The following FARP1 variants were observed in gnomAD, a reference collection of about 807,000 sequenced individuals.
The protein encoded by FARP1 is FERM, ARHGEF and pleckstrin domain-containing protein 1.
In FARP1, 52 loss-of-function variants were observed where a neutral mutation model predicts 128.8. The observed-to-expected ratio is 0.40, with a 90% CI of 0.32 to 0.51. The LOEUF is 0.51. Among genes scored for constraint, FARP1 ranks in the 20% least tolerant of loss-of-function variants. The pLI is 0.45. For synonymous variants in FARP1, 580 were observed against 551.8 expected, an observed-to-expected ratio of 1.05 and a Z score of -0.72; for missense variants, 1,333 against 1,367.9, an observed-to-expected ratio of 0.97 and a Z score of 0.40.
chr13:98,206,275 G>C (rs967658082), intron 1 of FARP1, among the ~76,000 whole-genome samples: 1 of 151,690 alleles, frequency 6.6e-6, no homozygotes, highest in African/African-American at 2.4e-5. Context: ...CAACCTTGGT[G>C]GTATGTCTAA....
chr13:98,372,910 G>T (rs561052062), intron 5 of FARP1, among the ~76,000 whole-genome samples: 1 of 152,192 alleles, frequency 6.6e-6, no homozygotes, highest in South Asian at 2.1e-4. Context: ...TCTAGCTCGC[G>T]TGAGACTGAT....
chr13:98,272,463 A>T (rs1343705178), intron 2 of FARP1, among the ~76,000 whole-genome samples: 1 of 152,238 alleles, frequency 6.6e-6, no homozygotes, highest in Non-Finnish European at 1.5e-5. Flanking sequence ...CGTTCGTGAA[A>T]TGCATACCCT....
At position 98,212,616 on chromosome 13, in the gene FARP1, T is replaced by TG. The variant is rs376535824; in HGVS notation, c.-23-597dup. 1.0e-3 allele frequency among the ~76,000 whole-genome samples: 56 copies of TG among 54,780 alleles called. 3 individuals carry two copies. The East Asian group carries it at 0.025, about 24-fold the overall frequency. 35.9% of individuals were successfully genotyped at this position (54,780 alleles called of 152,430 possible). On this transcript the variant is annotated intron_variant, in intron 1 of 26. Coordinates refer to ENST00000319562, the MANE Select transcript of FARP1 (RefSeq NM_005766.4). ...GGCTTCTTGGGAAAGGGGAAATAGT[T>TG]GGGGGGGTGGGTGGCTGGAAAGAAA... is the stretch of plus-strand genomic sequence containing the variant.
At chr13:98,229,597 C>T (rs1254557843) in intron 2 of FARP1, among the ~76,000 whole-genome samples, 3 of 151,738 alleles carry the variant, frequency 2.0e-5, no homozygotes, top group Admixed American at 6.6e-5. Flanking sequence ...ACCACCTGGG[C>T]TCAAGCGGTC....
intron 2 of FARP1, among the ~76,000 whole-genome samples, chr13:98,215,452 G>A (rs1259819311): frequency 6.6e-6 from 1 of 152,164 alleles, no homozygotes; most frequent in East Asian, 1.9e-4. Flanking sequence ...CCTACTGAGA[G>A]TTGTGCAGCG....
At position 98,409,409 on chromosome 13, in the gene FARP1, G is replaced by A. The variant is rs777326689; in HGVS notation, c.1486G>A (p.Val496Met). 2.2e-5 allele frequency: 35 copies of A among 1,613,782 alleles called. No individual in the cohort carries two copies. The highest frequency in any genetic ancestry group is 1.8e-4 in the East Asian group (8 of 44,884). ...NSQGGVAPANVTLSPNLSPDT... is the reference protein window; with the variant it reads ...NSQGGVAPANMTLSPNLSPDT... ...GCAGGGGGGAGTGGCCCCTGCCAACGTGACCTTGTCTCCCAACCTGAGCCC... is the reference window on the plus strand; with the variant it reads ...GCAGGGGGGAGTGGCCCCTGCCAACATGACCTTGTCTCCCAACCTGAGCCC... The change falls in exon 14 of 27, where the codon GTG becomes ATG. Residue 496 changes from valine to methionine, a missense_variant. Coordinates refer to ENST00000319562, the MANE Select transcript of FARP1 (RefSeq NM_005766.4).
chr13:98,176,464 A>G lies in FARP1; in HGVS notation c.-24+32972A>G. 6.2e-7 allele frequency: 1 copy of G among 1,614,236 alleles called. No individual in the cohort carries two copies. Among genetic ancestry groups the G allele is most frequent in the Non-Finnish European group, 8.5e-7 (1 of 1,180,044 alleles). ...TGGGTTTTGGAAGGCCTGGCGACATATGAAACACCTGAATGGTATTTCCTC... is the reference window on the plus strand; with the variant it reads ...TGGGTTTTGGAAGGCCTGGCGACATGTGAAACACCTGAATGGTATTTCCTC... On this transcript the variant is annotated intron_variant, in intron 1 of 26. Transcript: ENST00000319562. The surrounding 1 kb of genome is among the most constrained non-coding windows in gnomAD (Gnocchi z 6.2).
chr13:98,190,922 G>A (rs1462131230), intron 1 of FARP1, among the ~76,000 whole-genome samples: 1 of 152,042 alleles, frequency 6.6e-6, no homozygotes, highest in Non-Finnish European at 1.5e-5. Context: ...AGTGACATAG[G>A]TAGTCCTTGA....
chr13:98,300,071 C>T (rs12864377), intron 2 of FARP1, among the ~76,000 whole-genome samples: 58,938 of 152,102 alleles, frequency 0.39, 12,598 homozygotes, highest in East Asian at 0.62. Context: ...AAAACACTCC[C>T]TCTCAGTCCC....
chr13:98,217,744 C>T (rs1881163701), intron 2 of FARP1, among the ~76,000 whole-genome samples: 1 of 152,156 alleles, frequency 6.6e-6, no homozygotes, highest in East Asian at 1.9e-4. Context: ...ATTTGTTTAC[C>T]TGCTTAGTGT....
intron 2 of FARP1, among the ~76,000 whole-genome samples, chr13:98,337,452 A>G (rs1887790998): frequency 6.6e-6 from 1 of 152,088 alleles, no homozygotes; most frequent in Non-Finnish European, 1.5e-5. Flanking sequence ...TCCTTCTCAT[A>G]TTAAACCATT....
At chr13:98,383,806 G>C (rs1889981517) in intron 6 of FARP1, 1 of 152,144 alleles carries the variant, frequency 6.6e-6, no homozygotes, top group African/African-American at 2.4e-5. Flanking sequence ...ATTGAGGACT[G>C]TCTTGAGGTT....
In FARP1 at chr13:98,195,886, C is replaced by T. The variant is rs921607292; in HGVS notation, c.-23-17334C>T. ...CAAAAATTTTAAAAAATTCGCTGGG[C>T]GTGGTGGTACATGCCTGTGGTCCCA... On this transcript the variant is annotated intron_variant, in intron 1 of 26. Coordinates refer to ENST00000319562, the MANE Select transcript of FARP1 (RefSeq NM_005766.4). Among the ~76,000 whole-genome samples the T allele has an allele frequency of 7.2e-5, 11 of 151,884 alleles. 1 individual carries two copies. Among genetic ancestry groups the T allele is most frequent in the African/African-American group, 2.2e-4 (9 of 41,330 alleles).
chr13:98,218,388 A>G (rs1448010446), intron 2 of FARP1, among the ~76,000 whole-genome samples: 2 of 152,102 alleles, frequency 1.3e-5, no homozygotes, highest in Non-Finnish European at 2.9e-5. Flanking sequence ...TTAATCTGCA[A>G]AATTAGGCAC....
At chr13:98,429,505 G>A (rs965420509) in intron 17 of FARP1, among the ~76,000 whole-genome samples, 14 of 152,232 alleles carry the variant, frequency 9.2e-5, no homozygotes, top group Non-Finnish European at 2.9e-5. Context: ...TGGGAAAGAA[G>A]ACAAGGGCAG....
At chr13:98,144,509 TCTC>T (rs1302195769) in intron 1 of FARP1, among the ~76,000 whole-genome samples, 2 of 152,080 alleles carry the variant, frequency 1.3e-5, no homozygotes, top group African/African-American at 4.8e-5. Flanking sequence ...TTAAGGCTCT[TCTC>T]CTTGTCAGTT....
At chr13:98,207,034 T>G (rs1277633679) in intron 1 of FARP1, among the ~76,000 whole-genome samples, 1 of 152,214 alleles carries the variant, frequency 6.6e-6, no homozygotes, top group Non-Finnish European at 1.5e-5. Flanking sequence ...GCTTACCAGT[T>G]TTGCTATCAA....
At chr13:98,352,580 A>C (rs969285744) in intron 3 of FARP1, among the ~76,000 whole-genome samples, 1 of 152,244 alleles carries the variant, frequency 6.6e-6, no homozygotes, top group African/African-American at 2.4e-5. Context: ...GGGAGCTTTG[A>C]AAAGCTACTC....
At chr13:98,213,455 G>C (rs1038390763) in intron 2 of FARP1, 42 bp downstream of exon 2, 1 of 1,595,548 alleles carries the variant, frequency 6.3e-7, no homozygotes, top group South Asian at 1.1e-5. Flanking sequence ...TGTGGTAGGG[G>C]ACAGCCTTTG....
Sources: allele counts gnomAD v4.1 joint callset (sites outside exome capture counted in the v4.1 genomes callset), GRCh38; gene constraint gnomAD v4.1.1; non-coding constraint Gnocchi (gnomAD v3.1); transcripts MANE v1.5; gene names NCBI Gene and HGNC (gene_info 2026-07-23, HGNC 2026-07-21).